The following SGMS1 variants were observed in gnomAD, a reference collection of about 807,000 sequenced individuals.
SGMS1 encodes the protein sphingomyelin synthase 1.
A neutral mutation model predicts 46.2 loss-of-function variants in SGMS1; 13 were observed. The observed-to-expected ratio is 0.28, with a 90% CI of 0.18 to 0.45. SGMS1 has a LOEUF of 0.45. SGMS1 is among the 20% of genes least tolerant of loss of function. SGMS1 has a pLI of 1.00. For synonymous variants in SGMS1, 203 were observed against 187.8 expected, an observed-to-expected ratio of 1.08 and a Z score of -0.66; for missense variants, 324 against 519.9, an observed-to-expected ratio of 0.62 and a Z score of 3.66.
At position 50,573,073 on chromosome 10, in the gene SGMS1, G is replaced by T. The variant is rs1036632218; in HGVS notation, c.-589+17080C>A. Among the ~76,000 whole-genome samples the T allele has an allele frequency of 2.4e-4, 37 of 152,034 alleles. 3 individuals carry two copies. On this transcript the variant is annotated intron_variant, in intron 2 of 10. Transcript: ENST00000361781. ...TTCACCATAAAAACTGTCAAATTAA[G>T]TATAACTTACCCCAACAAAATAAGG...
chr10:50,322,076 C>T (rs2842094), intron 8 of SGMS1, among the ~76,000 whole-genome samples: 13,129 of 152,202 alleles, frequency 0.086, 1,309 homozygotes, highest in East Asian at 0.33. Context: ...AGACATAACC[C>T]TGTCCAAAAA....
chr10:50,491,395 C>A (rs1397929372), intron 3 of SGMS1, among the ~76,000 whole-genome samples: 2 of 152,056 alleles, frequency 1.3e-5, no homozygotes, highest in African/African-American at 2.4e-5. Context: ...AAAATAAAGA[C>A]CTTCCACTAA....
At chr10:50,319,885 T>C (rs1347503590) in intron 8 of SGMS1, among the ~76,000 whole-genome samples, 1 of 152,236 alleles carries the variant, frequency 6.6e-6, no homozygotes, top group African/African-American at 2.4e-5. Context: ...ATTATGTAAA[T>C]ATTATGATCG....
chr10:50,539,738 ATCT>A (rs1838035542), intron 2 of SGMS1, among the ~76,000 whole-genome samples: 1 of 152,248 alleles, frequency 6.6e-6, no homozygotes, highest in African/African-American at 2.4e-5. Flanking sequence ...TAAAATGAGC[ATCT>A]TCTTCTTGAT....
At chr10:50,604,527 C>T (rs1282829072) in intron 1 of SGMS1, among the ~76,000 whole-genome samples, 2 of 152,154 alleles carry the variant, frequency 1.3e-5, no homozygotes, top group African/African-American at 2.4e-5. Flanking sequence ...ACAAAAGAAC[C>T]GCAATTATCT....
chr10:50,402,441 C>T (rs934642566), intron 6 of SGMS1, among the ~76,000 whole-genome samples: 5 of 152,078 alleles, frequency 3.3e-5, no homozygotes, highest in Non-Finnish European at 1.5e-5. Context: ...AAAAAGGGGC[C>T]ACGATCCTAC....
At chr10:50,570,571 T>C (rs1203840279) in intron 2 of SGMS1, among the ~76,000 whole-genome samples, 1 of 152,212 alleles carries the variant, frequency 6.6e-6, no homozygotes, top group East Asian at 1.9e-4. Flanking sequence ...GCCACTGGTC[T>C]GTACTCATGG....
At chr10:50,359,682 C>CA (rs34496581) in intron 6 of SGMS1, among the ~76,000 whole-genome samples, 26,270 of 140,104 alleles carry the variant, frequency 0.19, 2,457 homozygotes, top group Admixed American at 0.25. Flanking sequence ...TTCATTATGG[C>CA]AAAAAAAAAA....
Position 50,524,848 on chromosome 10 carries a change from G to C in SGMS1, c.-588-4927C>G, listed in dbSNP as rs1313678985. On this transcript the variant is annotated intron_variant, in intron 2 of 10. Transcript: ENST00000361781. ...CCCAGAATGTCAATGGTGACCCTAT[G>C]ACAACACTGAAAGGGTAAAAATAAG... 2.6e-5 allele frequency among the ~76,000 whole-genome samples: 4 copies of C among 152,162 alleles called. No homozygotes were observed. In the East Asian group the frequency reaches 5.8e-4, roughly 22 times the overall value.
intron 2 of SGMS1, among the ~76,000 whole-genome samples, chr10:50,536,142 T>A (rs951854060): frequency 7.2e-5 from 11 of 152,160 alleles, no homozygotes; most frequent in African/African-American, 2.6e-4. Flanking sequence ...GAGACCAGCC[T>A]GGGCAACACA....
At chr10:50,616,846 G>A (rs11006328) in intron 1 of SGMS1, among the ~76,000 whole-genome samples, 20,601 of 152,034 alleles carry the variant, frequency 0.14, 1,770 homozygotes, top group Non-Finnish European at 0.2. Context: ...CCATGTTCAC[G>A]GACAGAATTA....
At chr10:50,403,256 A>G (rs1441678991) in intron 6 of SGMS1, among the ~76,000 whole-genome samples, 3 of 151,966 alleles carry the variant, frequency 2.0e-5, no homozygotes, top group African/African-American at 7.3e-5. Flanking sequence ...AAGAGTTTCA[A>G]CTAACTAACA....
upstream of SGMS1, chr10:50,624,940 T>C (rs1026746307): frequency 2.9e-6 from 3 of 1,018,132 alleles, no homozygotes; most frequent in African/African-American, 5.2e-5. Flanking sequence ...TCCGCGGCGC[T>C]CCGGGCAGCC....
At chr10:50,344,917 G>A (rs1564882632) in intron 6 of SGMS1, among the ~76,000 whole-genome samples, 1 of 151,938 alleles carries the variant, frequency 6.6e-6, no homozygotes, top group Non-Finnish European at 1.5e-5. Flanking sequence ...TTTCTAAGAA[G>A]CAACTTGACA....
chr10:50,453,619 T>C (rs561603639), intron 5 of SGMS1, among the ~76,000 whole-genome samples: 5 of 151,190 alleles, frequency 3.3e-5, no homozygotes, highest in African/African-American at 1.2e-4. Flanking sequence ...GTCCAACATG[T>C]GTTCTTCGAT....
intron 3 of SGMS1, among the ~76,000 whole-genome samples, chr10:50,515,883 A>G (rs1414806050): frequency 6.6e-6 from 1 of 152,222 alleles, no homozygotes; most frequent in Non-Finnish European, 1.5e-5. Context: ...TTTTCAAATG[A>G]AAGTATAGAG....
Position 50,377,144 on chromosome 10 carries a change from G to T in SGMS1, c.-231-32799C>A, listed in dbSNP as rs549630398. ...AAGTTTATTTTGGTTCATGATTCTG[G>T]AAACTGGGAAGTCCAAGCTCAGGCA... On this transcript the variant is annotated intron_variant, in intron 6 of 10. Transcript: ENST00000361781. Among the ~76,000 whole-genome samples, 3 of 152,310 alleles carry T rather than the reference G, an allele frequency of 2.0e-5. No homozygotes were observed. The South Asian group carries it at 6.2e-4, about 32-fold the overall frequency.
intron 6 of SGMS1, among the ~76,000 whole-genome samples, chr10:50,427,315 C>A (rs888707795): frequency 2.6e-5 from 4 of 152,202 alleles, no homozygotes; most frequent in Non-Finnish European, 5.9e-5. Flanking sequence ...AGGAGAACGG[C>A]ATGAACCCGG....
chr10:50,480,409 C>T (rs915680599), intron 3 of SGMS1, among the ~76,000 whole-genome samples: 22 of 151,908 alleles, frequency 1.4e-4, no homozygotes, highest in Middle Eastern at 3.4e-3. Flanking sequence ...ATGAAAACGG[C>T]GAATGAATCC....
Sources: allele counts gnomAD v4.1 joint callset (sites outside exome capture counted in the v4.1 genomes callset), GRCh38; gene constraint gnomAD v4.1.1; transcripts MANE v1.5; gene names NCBI Gene and HGNC (gene_info 2026-07-23, HGNC 2026-07-21).